Variants in COBL observed in about 807,000 individuals in gnomAD.
The protein encoded by COBL is cordon-bleu WH2 repeat protein.
Under a neutral mutation model 98.8 loss-of-function variants are expected in COBL, and 51 were observed. The observed-to-expected ratio is 0.52, with a 90% confidence interval of 0.41 to 0.65. COBL has a LOEUF of 0.65. Among genes scored for constraint, COBL ranks in the 30% least tolerant of loss-of-function variants. COBL has a pLI of 0.00. For missense variants in COBL, 1,617 were observed against 1,617.5 expected (o/e 1.00, Z 0.01); for synonymous variants, 634 against 651.7 (o/e 0.97, Z 0.41).
chr7:51,251,849 C>G lies in COBL; in HGVS notation c.42-31905G>C, dbSNP rs1796754165. 2.6e-5 allele frequency among the ~76,000 whole-genome samples: 4 copies of G among 152,212 alleles called. No individual in the cohort carries two copies. In the South Asian group the frequency reaches 8.3e-4, roughly 32 times the overall value. ...GATCCATTTTCCCTTTCTATGCATA[C>G]TTGCATGTGTATACACACACACACA... is the stretch of plus-strand genomic sequence containing the variant. On this transcript the variant is annotated intron_variant, in intron 1 of 12. Transcript: ENST00000265136.
intron 1 of COBL, among the ~76,000 whole-genome samples, chr7:51,225,216 C>T (rs753159136): frequency 4.6e-5 from 7 of 152,186 alleles, no homozygotes; most frequent in Non-Finnish European, 7.3e-5. Flanking sequence ...CTGCTATTTA[C>T]GTGGGGACTC....
intron 2 of COBL, among the ~76,000 whole-genome samples, chr7:51,194,922 T>C (rs555154011): frequency 1.2e-3 from 190 of 152,334 alleles, no homozygotes; most frequent in Non-Finnish European, 2.3e-3. Context: ...TATTAGACCT[T>C]TGTCAGATGC....
chr7:51,169,731 G>A (rs1466116270), intron 5 of COBL, among the ~76,000 whole-genome samples: 4 of 151,940 alleles, frequency 2.6e-5, no homozygotes, highest in African/African-American at 9.7e-5. Flanking sequence ...ATGGTTAATG[G>A]GTACAAAAAA....
At chr7:51,017,671 A>C in intron 12 of COBL, 103 bp from the exon 13 acceptor site, 1 of 1,199,824 alleles carries the variant, frequency 8.3e-7, no homozygotes. Context: ...TTGCAATAGT[A>C]CTCCTGGAAC....
At chr7:51,110,679 T>C (rs968239017) in intron 6 of COBL, among the ~76,000 whole-genome samples, 1 of 152,214 alleles carries the variant, frequency 6.6e-6, no homozygotes, top group African/African-American at 2.4e-5. Context: ...CTTTTATCCC[T>C]TAACCAACCT....
chr7:51,027,618 C>G, intron 10 of COBL, 94 bp downstream of exon 10: 15 of 1,030,726 alleles, frequency 1.5e-5, no homozygotes, highest in Non-Finnish European at 2.0e-5. Context: ...CTAATCCCGT[C>G]TCTCTCTCTC....
chr7:51,267,971 T>G (rs749038967), intron 1 of COBL, among the ~76,000 whole-genome samples: 12 of 152,218 alleles, frequency 7.9e-5, no homozygotes, highest in Non-Finnish European at 1.8e-4. Context: ...CCCGGGGGCC[T>G]GTACCTCCAC....
chr7:51,201,660 A>G (rs1324875639), intron 2 of COBL, among the ~76,000 whole-genome samples: 1 of 152,210 alleles, frequency 6.6e-6, no homozygotes, highest in Non-Finnish European at 1.5e-5. Flanking sequence ...AAGAATACAG[A>G]TTCTTCTCAA....
At chr7:51,094,590 T>C (rs1297104023) in intron 6 of COBL, among the ~76,000 whole-genome samples, 2 of 152,164 alleles carry the variant, frequency 1.3e-5, no homozygotes, top group East Asian at 1.9e-4. Flanking sequence ...TGATCATCTC[T>C]AGACCTGCAT....
intron 6 of COBL, among the ~76,000 whole-genome samples, chr7:51,088,037 G>A (rs1242565043): frequency 6.8e-6 from 1 of 147,882 alleles, no homozygotes; most frequent in East Asian, 2.0e-4. Flanking sequence ...TCCAGAGTGG[G>A]GCTCAATCTT....
At chr7:51,223,904 T>A (rs1208023409) in intron 1 of COBL, among the ~76,000 whole-genome samples, 1 of 152,260 alleles carries the variant, frequency 6.6e-6, no homozygotes, top group Non-Finnish European at 1.5e-5. Flanking sequence ...ATATGTAGCA[T>A]AATGTAGTTC....
chr7:51,077,946 C>T (rs1191165503), intron 7 of COBL, among the ~76,000 whole-genome samples: 1 of 152,144 alleles, frequency 6.6e-6, no homozygotes, highest in African/African-American at 2.4e-5. Flanking sequence ...AGTGATTCAC[C>T]ATCCTCTCTG....
At chr7:51,151,257 A>G (rs1014370534) in intron 5 of COBL, among the ~76,000 whole-genome samples, 6 of 152,194 alleles carry the variant, frequency 3.9e-5, no homozygotes, top group African/African-American at 1.4e-4. Flanking sequence ...ACAGGCAACT[A>G]AGATCTGTAT....
chr7:51,207,229 C>G (rs1377994644), intron 2 of COBL, among the ~76,000 whole-genome samples: 3 of 149,484 alleles, frequency 2.0e-5, no homozygotes, highest in African/African-American at 7.4e-5. Context: ...GTACTTGGTA[C>G]AGCGGACATT....
chr7:51,239,145 C>G (rs530921476), intron 1 of COBL, among the ~76,000 whole-genome samples: 9 of 152,186 alleles, frequency 5.9e-5, no homozygotes, highest in Non-Finnish European at 1.0e-4. Context: ...TCAGAGGCAT[C>G]TGACCCAGAG....
At chr7:51,197,481 A>G (rs985822814) in intron 2 of COBL, among the ~76,000 whole-genome samples, 2 of 152,156 alleles carry the variant, frequency 1.3e-5, no homozygotes, top group Non-Finnish European at 2.9e-5. Flanking sequence ...CAATGAAAAA[A>G]TGTATATTCT....
At chr7:51,248,286 T>G (rs1488983395) in intron 1 of COBL, among the ~76,000 whole-genome samples, 1 of 152,180 alleles carries the variant, frequency 6.6e-6, no homozygotes. Flanking sequence ...CTCTATCTCG[T>G]TGATTTAGAA....
At chr7:51,231,651 G>A (rs1014266232) in intron 1 of COBL, among the ~76,000 whole-genome samples, 1 of 152,208 alleles carries the variant, frequency 6.6e-6, no homozygotes, top group African/African-American at 2.4e-5. Flanking sequence ...GGTGGTTCCT[G>A]GAAGCAGGTA....
At chr7:51,297,235 G>A (rs919513851) in intron 1 of COBL, among the ~76,000 whole-genome samples, 1 of 152,080 alleles carries the variant, frequency 6.6e-6, no homozygotes, top group African/African-American at 2.4e-5. Flanking sequence ...GTATAGTCCA[G>A]ACAGGGCAAT....
Sources: allele counts gnomAD v4.1 joint callset (sites outside exome capture counted in the v4.1 genomes callset), GRCh38; gene constraint gnomAD v4.1.1; transcripts MANE v1.5; gene names NCBI Gene and HGNC (gene_info 2026-07-23, HGNC 2026-07-21).